Variants in CYP19A1 observed in about 807,000 individuals in gnomAD.
CYP19A1 encodes the protein aromatase.
In CYP19A1, 32 loss-of-function variants were observed where a neutral mutation model predicts 44.4. The ratio of observed to expected loss-of-function variants is 0.72; its 90% CI spans 0.54 to 0.97. The LOEUF (loss-of-function observed/expected upper bound fraction) is 0.97. Ranked by LOEUF, CYP19A1 falls within the 50% of genes least tolerant of loss-of-function variation. The pLI is 0.00. For missense variants in CYP19A1, 598 were observed against 637.8 expected (o/e 0.94, Z 0.67); for synonymous variants, 212 against 215.6 (o/e 0.98, Z 0.14).
At chr15:51,319,324 T>C (rs915018570) in intron 1 of CYP19A1, among the ~76,000 whole-genome samples, 1 of 152,238 alleles carries the variant, frequency 6.6e-6, no homozygotes, top group African/African-American at 2.4e-5. Flanking sequence ...GTAATCAACA[T>C]TCCCATTCTC....
chr15:51,314,195 C>T (rs1254413754), intron 1 of CYP19A1: 1 of 152,200 alleles, frequency 6.6e-6, no homozygotes, highest in Non-Finnish European at 1.5e-5. Flanking sequence ...TTGCTGGCCT[C>T]ACTCACCAGT....
intron 1 of CYP19A1, among the ~76,000 whole-genome samples, chr15:51,276,766 G>T (rs2035323397): frequency 6.6e-6 from 1 of 152,234 alleles, no homozygotes; most frequent in South Asian, 2.1e-4. Flanking sequence ...CCTGCCTGAA[G>T]TCGGTAGCAG....
At chr15:51,313,489 G>A (rs754255792) in intron 1 of CYP19A1, among the ~76,000 whole-genome samples, 3 of 152,042 alleles carry the variant, frequency 2.0e-5, no homozygotes, top group Non-Finnish European at 4.4e-5. Context: ...TTTGGACCTC[G>A]GTTTTCCCAT....
chr15:51,246,236 C>A (rs1417486797), intron 1 of CYP19A1, among the ~76,000 whole-genome samples: 1 of 152,084 alleles, frequency 6.6e-6, no homozygotes, highest in African/African-American at 2.4e-5. Flanking sequence ...TTACATGTCC[C>A]CTCGGCCAGT....
At chr15:51,313,821 G>C (rs568693504) in intron 1 of CYP19A1, among the ~76,000 whole-genome samples, 233 of 151,800 alleles carry the variant, frequency 1.5e-3, no homozygotes, top group Admixed American at 3.3e-3. Context: ...ACCTCAAAAG[G>C]ATCACACAAG....
chr15:51,295,182 A>ATTT (rs2035966936), intron 1 of CYP19A1, among the ~76,000 whole-genome samples: 1 of 149,398 alleles, frequency 6.7e-6, no homozygotes. Flanking sequence ...GACACAAAAT[A>ATTT]TACAATAGAA....
chr15:51,236,775 C>G, intron 3 of CYP19A1, 84 bp downstream of exon 3: 3 of 1,518,828 alleles, frequency 2.0e-6, no homozygotes, highest in Non-Finnish European at 2.7e-6. Flanking sequence ...ACAAAGACAT[C>G]AAGATTCAAA....
intron 1 of CYP19A1, among the ~76,000 whole-genome samples, chr15:51,247,555 G>A (rs888835050): frequency 9.2e-5 from 14 of 151,900 alleles, no homozygotes; most frequent in Admixed American, 2.0e-4. Context: ...TCACTGCAAC[G>A]TCTTCCTCCC....
chr15:51,225,554 C>T (rs995836886), intron 4 of CYP19A1, among the ~76,000 whole-genome samples: 2 of 152,166 alleles, frequency 1.3e-5, no homozygotes, highest in Admixed American at 6.5e-5. Flanking sequence ...AGTGCTGGGA[C>T]GCAAACCCAC....
intron 1 of CYP19A1, among the ~76,000 whole-genome samples, chr15:51,303,709 C>G (rs1311581591): frequency 6.6e-6 from 1 of 152,122 alleles, no homozygotes; most frequent in South Asian, 2.1e-4. Context: ...AAGAGATGGT[C>G]CCTCTAAGGG....
chr15:51,218,516 A>G (rs750336987), intron 6 of CYP19A1, 25 bp downstream of exon 6: 58 of 1,602,272 alleles, frequency 3.6e-5, no homozygotes, highest in Non-Finnish European at 4.8e-5. Context: ...TGTACTCATA[A>G]ATCTTCCAAA....
intron 1 of CYP19A1, among the ~76,000 whole-genome samples, chr15:51,336,055 C>G (rs1363921299): frequency 6.6e-6 from 1 of 152,220 alleles, no homozygotes; most frequent in Admixed American, 6.5e-5. Flanking sequence ...GGTGCCAACA[C>G]AAGCATCCTT....
intron 1 of CYP19A1, chr15:51,318,723 G>GT (rs1441706145): frequency 2.0e-5 from 3 of 152,158 alleles, no homozygotes; most frequent in African/African-American, 7.2e-5. Context: ...AGGACACTTT[G>GT]TTTTTTGTGT....
In CYP19A1 at chr15:51,227,853, C is replaced by A; in HGVS notation, c.377G>T (p.Gly126Val). The change falls in exon 4 of 10, where the codon GGT becomes GTT. Residue 126 changes from glycine to valine, a missense_variant. By Grantham distance (109) the Gly-to-Val change is moderately radical. Transcript: ENST00000396402. ...AAATATGATGCCTTTCTCATGCATA[C>A]CGATGCACTGCAGCCCAAGTTTGCT... ...FGSKLGLQCI[G>V]MHEKGIIFNN... is the part of the protein sequence containing the mutation. 1 of 1,519,018 alleles carries A rather than the reference C, an allele frequency of 6.6e-7. No individual in the cohort carries two copies. The allele number at this position is 1,519,018 out of a possible 1,614,324, so 94.1% of individuals were successfully genotyped here.
intron 1 of CYP19A1, among the ~76,000 whole-genome samples, chr15:51,244,441 C>T (rs892350319): frequency 1.3e-5 from 2 of 151,762 alleles, no homozygotes; most frequent in African/African-American, 4.8e-5. Context: ...GCACATTGTG[C>T]TTATGTTGAG....
intron 1 of CYP19A1, among the ~76,000 whole-genome samples, chr15:51,337,444 A>G (rs964950333): frequency 1.3e-5 from 2 of 152,360 alleles, no homozygotes; most frequent in South Asian, 4.1e-4. Context: ...TCACAACCCT[A>G]TGAAATAGAT....
intron 1 of CYP19A1, among the ~76,000 whole-genome samples, chr15:51,328,449 TAACA>T (rs2036647013): frequency 6.6e-6 from 1 of 152,138 alleles, no homozygotes. Context: ...TTCACCGTCG[TAACA>T]AACTGTGATA....
chr15:51,296,980 G>A (rs140331867), intron 1 of CYP19A1, among the ~76,000 whole-genome samples: 9 of 152,262 alleles, frequency 5.9e-5, no homozygotes, highest in African/African-American at 1.4e-4. Context: ...GTTGGATTGC[G>A]AACTGTTTTC....
intron 1 of CYP19A1, among the ~76,000 whole-genome samples, chr15:51,319,762 G>C (rs1472053298): frequency 1.3e-5 from 2 of 152,240 alleles, no homozygotes; most frequent in East Asian, 1.9e-4. Context: ...TGTGCAAGCT[G>C]CTCTTTTAAG....
Sources: allele counts gnomAD v4.1 joint callset (sites outside exome capture counted in the v4.1 genomes callset), GRCh38; gene constraint gnomAD v4.1.1; transcripts MANE v1.5; gene names NCBI Gene and HGNC (gene_info 2026-07-23, HGNC 2026-07-21).